MED12L: variants seen among roughly 807,000 people sequenced by gnomAD.
The protein encoded by MED12L is mediator of RNA polymerase II transcription subunit 12-like protein.
A neutral mutation model predicts 281.3 loss-of-function variants in MED12L; 60 were observed. That is an observed-to-expected ratio of 0.21 (90% CI 0.17 to 0.26). MED12L has a LOEUF of 0.26. Ranked by LOEUF, MED12L falls within the 10% of genes least tolerant of loss-of-function variation. MED12L has a pLI of 1.00. For missense variants in MED12L, 2,146 were observed against 2,680.9 expected (o/e 0.80, Z 4.41); for synonymous variants, 974 against 987.2 (o/e 0.99, Z 0.25).
At chr3:151,343,079 C>T (rs1333798226) in intron 16 of MED12L, among the ~76,000 whole-genome samples, 3 of 152,014 alleles carry the variant, frequency 2.0e-5, no homozygotes, top group African/African-American at 7.2e-5. Context: ...TCTCCTCAAC[C>T]CCTCTCCCAC....
At chr3:151,140,016 A>T (rs753028208) in intron 5 of MED12L, among the ~76,000 whole-genome samples, 1 of 152,192 alleles carries the variant, frequency 6.6e-6, no homozygotes, top group Non-Finnish European at 1.5e-5. Flanking sequence ...ATGTTTTATG[A>T]AAAAGATTTG....
intron 20 of MED12L, among the ~76,000 whole-genome samples, chr3:151,359,855 T>G (rs902876688): frequency 6.6e-6 from 1 of 152,116 alleles, no homozygotes; most frequent in South Asian, 2.1e-4. Context: ...CTGTGTTGTA[T>G]GGACTGTGGA....
At chr3:151,188,582 C>T in intron 13 of MED12L, 102 bp downstream of exon 13, 1 of 1,228,668 alleles carries the variant, frequency 8.1e-7, no homozygotes, top group Admixed American at 2.3e-5. Flanking sequence ...ATATTCTTGG[C>T]ACTGAATATA....
At chr3:151,181,253 G>A (rs1722660275) in intron 11 of MED12L, among the ~76,000 whole-genome samples, 1 of 152,050 alleles carries the variant, frequency 6.6e-6, no homozygotes. Context: ...ATATGCAAAA[G>A]TTTAAGTAAA....
At chr3:151,269,605 C>G (rs375589636) in intron 16 of MED12L, 3 of 345,578 alleles carry the variant, frequency 8.7e-6, no homozygotes, top group African/African-American at 4.4e-5. Flanking sequence ...GTCTACATTA[C>G]TTGGGGAGGA....
chr3:151,318,726 A>T (rs3806636), intron 16 of MED12L, among the ~76,000 whole-genome samples: 40,587 of 151,948 alleles, frequency 0.27, 5,739 homozygotes, highest in Non-Finnish European at 0.31. Context: ...AAGAATAAAG[A>T]CCTTTTAAAA....
intron 20 of MED12L, among the ~76,000 whole-genome samples, chr3:151,358,215 A>G (rs1167745833): frequency 6.6e-6 from 1 of 152,170 alleles, no homozygotes. Flanking sequence ...CTTTATTTGT[A>G]TTAATTACAT....
chr3:151,203,009 G>T (rs1271820194), intron 16 of MED12L: 5 of 151,126 alleles, frequency 3.3e-5, no homozygotes, highest in African/African-American at 9.8e-5. Flanking sequence ...ATACAGCTTG[G>T]CTTTTTCTAC....
intron 11 of MED12L, among the ~76,000 whole-genome samples, chr3:151,179,413 T>A (rs1340470902): frequency 6.6e-6 from 1 of 152,226 alleles, no homozygotes; most frequent in Non-Finnish European, 1.5e-5. Flanking sequence ...CTTTGGCATC[T>A]GAAATGTTTT....
At chr3:151,276,694 GTTC>G (rs777525658) in intron 16 of MED12L, among the ~76,000 whole-genome samples, 6 of 152,288 alleles carry the variant, frequency 3.9e-5, no homozygotes, top group African/African-American at 1.2e-4. Flanking sequence ...AGGGAGCCGT[GTTC>G]TTCTTCTGTT....
Position 151,390,064 on chromosome 3 carries a change from T to G in MED12L, c.5537T>G (p.Leu1846Trp), listed in dbSNP as rs368450727. The change falls in exon 38 of 45, where the codon TTG (leucine) becomes TGG (tryptophan). Residue 1846 changes from leucine to tryptophan, a missense_variant. Around this residue, in one of 9 missense-constraint regions of MED12L, gnomAD observed 496 missense variants for 512.0 expected, o/e 0.97. Coordinates refer to ENST00000687756, the MANE Select transcript of MED12L (RefSeq NM_001393769.1). ...SQMMHHPQSTLWGYNLVGQPQ... is the reference protein window; with the variant it reads ...SQMMHHPQSTWWGYNLVGQPQ... ...ATGATGCACCATCCACAGTCCACCT[T>G]GTGGGGTTACAACCTCGTGGGCCAG... The G allele has an allele frequency of 6.2e-7, 1 of 1,614,136 alleles. No homozygotes were observed. Among genetic ancestry groups the G allele is most frequent in the Non-Finnish European group, 8.5e-7 (1 of 1,179,972 alleles).
At chr3:151,285,179 G>A (rs1577230912) in intron 16 of MED12L, among the ~76,000 whole-genome samples, 1 of 152,138 alleles carries the variant, frequency 6.6e-6, no homozygotes, top group South Asian at 2.1e-4. Context: ...AGGATACAAA[G>A]GCATAAGAAT....
At chr3:151,171,993 A>G (rs75717025) in intron 11 of MED12L, among the ~76,000 whole-genome samples, 367 of 152,224 alleles carry the variant, frequency 2.4e-3, no homozygotes, top group African/African-American at 8.4e-3. Flanking sequence ...TTAAAAAGCT[A>G]CTCGGGCAGT....
chr3:151,368,327 C>T (rs944004522), intron 25 of MED12L, 76 bp downstream of exon 25: 45 of 1,284,034 alleles, frequency 3.5e-5, no homozygotes, highest in Non-Finnish European at 4.8e-5. Context: ...ATAGGCTGTC[C>T]CTTTCTGTAA....
intron 16 of MED12L, among the ~76,000 whole-genome samples, chr3:151,284,712 G>A (rs1249359294): frequency 6.6e-6 from 1 of 152,260 alleles, no homozygotes; most frequent in Non-Finnish European, 1.5e-5. Flanking sequence ...GGGTTCTGGT[G>A]ATTCTTCTGC....
chr3:151,409,390 G>A, intron 40 of MED12L, 58 bp downstream of exon 40: 1 of 1,473,570 alleles, frequency 6.8e-7, no homozygotes, highest in Non-Finnish European at 9.5e-7. Flanking sequence ...TATTGGAGGT[G>A]GGAAATTAAG....
At chr3:151,327,425 G>T (rs1577339459) in intron 16 of MED12L, 1 of 152,278 alleles carries the variant, frequency 6.6e-6, no homozygotes, top group East Asian at 1.9e-4. Context: ...TGTGAAAGAG[G>T]CTGTTTGTAA....
chr3:151,290,584 A>G (rs984258433), intron 16 of MED12L, among the ~76,000 whole-genome samples: 20 of 152,052 alleles, frequency 1.3e-4, no homozygotes, highest in Admixed American at 1.3e-3. Flanking sequence ...ATTTAGAAAG[A>G]ACAGTCTATT....
At chr3:151,177,698 G>A (rs1722222510) in intron 11 of MED12L, among the ~76,000 whole-genome samples, 1 of 150,880 alleles carries the variant, frequency 6.6e-6, no homozygotes, top group African/African-American at 2.4e-5. Context: ...TCACTACATT[G>A]CCCAGGCTGA....
Sources: gnomAD v4.1 joint callset for allele counts (sites outside exome capture counted in the v4.1 genomes callset) on GRCh38, gnomAD v4.1.1 for gene constraint, gnomAD v4.1.1 regional missense constraint, MANE v1.5 for transcripts, NCBI Gene and HGNC (gene_info 2026-07-23, HGNC 2026-07-21) for gene names.